DNAJB6: variants seen among roughly 807,000 people sequenced by gnomAD.
The protein encoded by DNAJB6 is DnaJ heat shock protein family (Hsp40) member B6, also known as dnaJ homolog subfamily B member 6.
A neutral mutation model predicts 42.7 loss-of-function variants in DNAJB6; 16 were observed. That is an observed-to-expected ratio of 0.37 (90% CI 0.25 to 0.57). The LOEUF (loss-of-function observed/expected upper bound fraction) is 0.57. Among genes scored for constraint, DNAJB6 ranks in the 20% least tolerant of loss-of-function variants. The pLI is 0.74. For missense variants in DNAJB6, 347 were observed against 416.8 expected, an observed-to-expected ratio of 0.83 and a Z score of 1.46; for synonymous variants, 170 against 163.5, an observed-to-expected ratio of 1.04 and a Z score of -0.30.
chr7:157,398,361 C>G (rs1275077358), intron 8 of DNAJB6, among the ~76,000 whole-genome samples: 1 of 152,140 alleles, frequency 6.6e-6, no homozygotes, highest in African/African-American at 2.4e-5. Context: ...TAGCGACTAA[C>G]CCCCCTCTCT....
chr7:157,366,453 A>G (rs559717571), intron 3 of DNAJB6, 49 bp from the exon 4 acceptor site: 1 of 1,522,442 alleles, frequency 6.6e-7, no homozygotes, highest in Admixed American at 1.7e-5. Context: ...CTATTGAATT[A>G]AGGGTTTAAA....
chr7:157,404,515 T>C (rs1795680749), intron 8 of DNAJB6, among the ~76,000 whole-genome samples: 3 of 141,320 alleles, frequency 2.1e-5, no homozygotes, highest in African/African-American at 8.8e-5. Context: ...TTTTTTCTTT[T>C]CTTTTTTTTT....
chr7:157,407,249 C>A (rs549456937), intron 8 of DNAJB6, among the ~76,000 whole-genome samples: 1 of 152,166 alleles, frequency 6.6e-6, no homozygotes, highest in South Asian at 2.1e-4. Flanking sequence ...GAGCGGCTCA[C>A]GCTTGGCTCT....
At position 157,368,376 on chromosome 7, in the gene DNAJB6, G is replaced by T. The variant is rs149807599; in HGVS notation, c.346+893G>T. Among the ~76,000 whole-genome samples, 1,054 of 152,254 alleles carry T rather than the reference G, an allele frequency of 6.9e-3. 8 individuals carry two copies. Among genetic ancestry groups the T allele is most frequent in the African/African-American group, 0.023 (963 of 41,516 alleles). On this transcript the variant is annotated intron_variant, in intron 5 of 9. Coordinates refer to ENST00000262177, the MANE Select transcript of DNAJB6 (RefSeq NM_058246.4). ...ATCATATTCCTGGTAAAATCATTAAGCACCATAGTACTGTTGGCAAGACCT... is the reference window on the plus strand; with the variant it reads ...ATCATATTCCTGGTAAAATCATTAATCACCATAGTACTGTTGGCAAGACCT...
At chr7:157,387,748 ATGTT>A (rs1269273263) in intron 8 of DNAJB6, among the ~76,000 whole-genome samples, 3 of 152,190 alleles carry the variant, frequency 2.0e-5, no homozygotes, top group Admixed American at 1.3e-4. Flanking sequence ...CAGGTAAAAT[ATGTT>A]TGACTCCTAA....
chr7:157,359,566 C>T lies in DNAJB6; in HGVS notation c.65+929C>T, dbSNP rs535062620. Among the ~76,000 whole-genome samples the T allele has an allele frequency of 7.2e-5, 11 of 152,156 alleles. No homozygotes were observed. The South Asian group carries it at 2.3e-3, about 32-fold the overall frequency. On this transcript the variant is annotated intron_variant, in intron 2 of 9. Transcript: ENST00000262177. ...ACGGCCAGGCAAGTGGCTCACACCTCTAATCCTAGCACTTCGAGAGGCCTA... is the reference window on the plus strand; with the variant it reads ...ACGGCCAGGCAAGTGGCTCACACCTTTAATCCTAGCACTTCGAGAGGCCTA...
At chr7:157,388,167 T>C (rs1801167838) in intron 8 of DNAJB6, among the ~76,000 whole-genome samples, 1 of 152,204 alleles carries the variant, frequency 6.6e-6, no homozygotes, top group African/African-American at 2.4e-5. Context: ...TTTTATTCTG[T>C]TCTTCCATTG....
intron 9 of DNAJB6, chr7:157,411,462 G>T (rs1379848327): frequency 6.6e-6 from 1 of 151,736 alleles, no homozygotes; most frequent in Non-Finnish European, 1.5e-5. Context: ...CACTGAGCGG[G>T]CGTTGGGGAG....
At chr7:157,349,328 TTTGA>T (rs1234501062) in intron 1 of DNAJB6, among the ~76,000 whole-genome samples, 3 of 152,308 alleles carry the variant, frequency 2.0e-5, no homozygotes, top group South Asian at 2.1e-4. Flanking sequence ...TTAGGAAGGC[TTTGA>T]TTGGTTGACT....
At chr7:157,369,077 G>T in intron 5 of DNAJB6, 1 of 363,634 alleles carries the variant, frequency 2.8e-6, no homozygotes, top group South Asian at 2.1e-5. Context: ...AGGACAGTCA[G>T]TGGCCTCAAG....
chr7:157,346,936 A>G (rs1010513523), intron 1 of DNAJB6, among the ~76,000 whole-genome samples: 2 of 152,088 alleles, frequency 1.3e-5, no homozygotes, highest in African/African-American at 2.4e-5. Context: ...GCGCACTGCA[A>G]GCTCCACCTC....
intron 1 of DNAJB6, among the ~76,000 whole-genome samples, chr7:157,346,752 T>G (rs567656914): frequency 2.0e-4 from 30 of 152,388 alleles, no homozygotes; most frequent in African/African-American, 6.3e-4. Context: ...GGAGTGAGCT[T>G]GCAGCAAACA....
At chr7:157,391,161 G>A (rs568023032) in intron 8 of DNAJB6, among the ~76,000 whole-genome samples, 6 of 152,326 alleles carry the variant, frequency 3.9e-5, no homozygotes, top group African/African-American at 1.4e-4. Flanking sequence ...CAGATGTCAG[G>A]ACATTGCTGG....
rs994208782 is a variant in DNAJB6 at position 157,386,271 on chromosome 7, A to G, written c.691+660A>G. 1.4e-5 allele frequency: 14 copies of G among 984,968 alleles called. No individual in the cohort carries two copies. In the Admixed American group the frequency reaches 2.5e-4, roughly 17 times the overall value. The allele number at this position is 984,968 out of a possible 1,614,324, so 61.0% of individuals were successfully genotyped here. ...TTTGTCATTTGCTTTAAAAAAAAAA[A>G]AAAAGAAAATAAATGCGAATGTGTT... is the stretch of plus-strand genomic sequence containing the variant. On this transcript the variant is annotated intron_variant, in intron 8 of 9. Transcript: ENST00000262177.
At chr7:157,379,870 G>C (rs1168655919) in intron 5 of DNAJB6, 1 of 143,642 alleles carries the variant, frequency 7.0e-6, no homozygotes, top group Non-Finnish European at 1.5e-5. Flanking sequence ...GGAGTGCTGT[G>C]GTGTGATCTT....
rs148829407 is a variant in DNAJB6, at chr7:157,355,463, A to G, written c.-26-3084A>G. On this transcript the variant is annotated intron_variant, in intron 1 of 9. Coordinates refer to ENST00000262177, the MANE Select transcript of DNAJB6 (RefSeq NM_058246.4). Reference sequence around the variant, plus strand: ...GCGTGAGCCACCGCACCCGGCCAGCATTCCCGTGGTTTCTTCAGCGGGCCA... The same window carrying G: ...GCGTGAGCCACCGCACCCGGCCAGCGTTCCCGTGGTTTCTTCAGCGGGCCA... 1.8e-3 allele frequency among the ~76,000 whole-genome samples: 273 copies of G among 152,292 alleles called. 1 individual carries two copies. The highest frequency in any genetic ancestry group is 3.5e-3 in the Non-Finnish European group (236 of 68,024).
chr7:157,379,065 CAA>C (rs1800619617), intron 5 of DNAJB6: 1 of 151,960 alleles, frequency 6.6e-6, no homozygotes, highest in Admixed American at 6.6e-5. Flanking sequence ...GAGAAATAAA[CAA>C]GATAAAGATT....
rs1297490409 is a variant in DNAJB6, at chr7:157,409,943, G to A, written c.840G>A (p.Glu280=). The change falls in exon 9 of 10, where the codon GAG becomes GAA. Residue 280 remains glutamate (E), a synonymous_variant. Coordinates refer to ENST00000262177, the MANE Select transcript of DNAJB6 (RefSeq NM_058246.4). The stretch of plus-strand genomic sequence containing the variant: ...CGCCTCACTGTCTCTCTGAGGAGGA[G>A]GGCGAGCAGGACCGACCTCGGGCAC... The part of the protein sequence containing the change: ...RHAPHCLSEE[E]GEQDRPRAPG... The A allele has an allele frequency of 6.5e-7, 1 of 1,536,830 alleles. No individual in the cohort carries two copies. The highest frequency in any genetic ancestry group is 8.7e-7 in the Non-Finnish European group (1 of 1,145,836).
chr7:157,396,804 G>A (rs1256977532), intron 8 of DNAJB6, among the ~76,000 whole-genome samples: 2 of 152,176 alleles, frequency 1.3e-5, no homozygotes, highest in Non-Finnish European at 1.5e-5. Flanking sequence ...GGAGGCCACA[G>A]CGTATCCCCC....
Sources: allele counts gnomAD v4.1 joint callset (sites outside exome capture counted in the v4.1 genomes callset), GRCh38; gene constraint gnomAD v4.1.1; transcripts MANE v1.5; gene names NCBI Gene and HGNC (gene_info 2026-07-23, HGNC 2026-07-21).